Variants in SEC11A observed in about 807,000 individuals in gnomAD.
SEC11A encodes the protein signal peptidase complex catalytic subunit SEC11A.
SEC11A carries 14 observed loss-of-function variants against 25.6 expected under a neutral mutation model. The observed-to-expected ratio is 0.55, with a 90% confidence interval of 0.36 to 0.85. The LOEUF is 0.85. SEC11A is among the 40% of genes least tolerant of loss of function. The probability of loss-of-function intolerance (pLI) is 0.01; values close to 1 mark genes in which losing one functional copy is unlikely to be tolerated. For synonymous variants in SEC11A, 83 were observed against 76.4 expected, an observed-to-expected ratio of 1.09 and a Z score of -0.45; for missense variants, 153 against 222.9, an observed-to-expected ratio of 0.69 and a Z score of 2.00.
chr15:84,704,393 G>T lies in SEC11A; in HGVS notation c.51+11632C>A, dbSNP rs894695127. Among the ~76,000 whole-genome samples, 6 of 152,120 alleles carry T rather than the reference G, an allele frequency of 3.9e-5. 1 individual carries two copies. Among genetic ancestry groups the T allele is most frequent in the Admixed American group, 3.9e-4 (6 of 15,258 alleles). On this transcript the variant is annotated intron_variant, in intron 1 of 5. Coordinates refer to ENST00000268220, the MANE Select transcript of SEC11A (RefSeq NM_014300.4). ...TTGAAGTAGCTGGCCTGAAATAATA[G>T]AATAGTAGGCCAGTTTTCGATTTAT... is the stretch of plus-strand genomic sequence containing the variant.
chr15:84,700,330 T>G (rs1897891735), intron 1 of SEC11A, among the ~76,000 whole-genome samples: 1 of 151,736 alleles, frequency 6.6e-6, no homozygotes, highest in Non-Finnish European at 1.5e-5. Context: ...GCGAGGTGGC[T>G]TATGCCTGTA....
chr15:84,691,686 C>T (rs779466941), intron 1 of SEC11A, 42 bp from the exon 2 acceptor site: 10 of 1,175,528 alleles, frequency 8.5e-6, no homozygotes, highest in Non-Finnish European at 1.3e-5. Context: ...ACCATTATCC[C>T]CACTTCGGAA....
At chr15:84,674,824 T>C (rs1897095025) in intron 4 of SEC11A, among the ~76,000 whole-genome samples, 2 of 152,182 alleles carry the variant, frequency 1.3e-5, no homozygotes, top group Admixed American at 1.3e-4. Context: ...CCTCTTAAAG[T>C]GCTGAGATTA....
At chr15:84,690,836 T>A (rs1389733359) in intron 2 of SEC11A, among the ~76,000 whole-genome samples, 3 of 152,140 alleles carry the variant, frequency 2.0e-5, no homozygotes, top group African/African-American at 7.2e-5. Flanking sequence ...GAAAAACTCT[T>A]AATTTGTGGA....
chr15:84,699,675 A>C (rs1232041018), intron 1 of SEC11A, among the ~76,000 whole-genome samples: 1 of 152,152 alleles, frequency 6.6e-6, no homozygotes, highest in African/African-American at 2.4e-5. Context: ...CTGTAATCCC[A>C]GCTCTTAGGG....
At chr15:84,678,349 C>T (rs200584436) in intron 4 of SEC11A, among the ~76,000 whole-genome samples, 230 of 152,238 alleles carry the variant, frequency 1.5e-3, no homozygotes, top group Admixed American at 5.2e-3. Flanking sequence ...TATGCTTCAC[C>T]CAGTAATTCC....
intron 1 of SEC11A, chr15:84,714,969 C>T (rs1898411530): frequency 6.6e-6 from 1 of 152,118 alleles, no homozygotes; most frequent in South Asian, 2.1e-4. Context: ...AAAGACAACA[C>T]TATACAAGTA....
chr15:84,679,212 G>A (rs1256765816), intron 4 of SEC11A: 12 of 1,125,184 alleles, frequency 1.1e-5, no homozygotes, highest in Non-Finnish European at 1.4e-5. Flanking sequence ...AGATTGGAGA[G>A]TTTAAATAAT....
At chr15:84,700,707 G>C (rs1477466631) in intron 1 of SEC11A, among the ~76,000 whole-genome samples, 2 of 147,416 alleles carry the variant, frequency 1.4e-5, no homozygotes, top group Non-Finnish European at 3.0e-5. Flanking sequence ...GAGGCCAGGC[G>C]CGGTGGCTCA....
rs200350997 is a variant in SEC11A at position 84,716,070 on chromosome 15, C to A, written c.6G>T (p.Leu2=). Residue 2 remains leucine, a synonymous_variant, in exon 1 of 6, where the codon CTG becomes CTT. Coordinates refer to ENST00000268220, the MANE Select transcript of SEC11A (RefSeq NM_014300.4). Reference sequence around the variant, plus strand: ...GCACATCGTCCAAAAAGTCTAGAGACAGCATGGCGGGGACGGCGAGCAGGA... The same window carrying A: ...GCACATCGTCCAAAAAGTCTAGAGAAAGCATGGCGGGGACGGCGAGCAGGA... M[L]SLDFLDDVRR... is the part of the protein sequence containing the mutation. The A allele has an allele frequency of 6.2e-7, 1 of 1,613,812 alleles. No individual in the cohort carries two copies. Among genetic ancestry groups the A allele is most frequent in the African/African-American group, 1.3e-5 (1 of 75,056 alleles).
At chr15:84,696,718 CA>C (rs1211445179) in intron 1 of SEC11A, among the ~76,000 whole-genome samples, 1 of 151,832 alleles carries the variant, frequency 6.6e-6, no homozygotes, top group Non-Finnish European at 1.5e-5. Context: ...ATTTTGGCAG[CA>C]AAACAAAAAT....
chr15:84,669,918 A>T lies in SEC11A; in HGVS notation c.*101T>A, dbSNP rs765907114. The stretch of plus-strand genomic sequence containing the variant: ...AAACCAGTGCTACCCAGAAGCACCA[A>T]CACGTGTGTTCTCCATTCCACCAAT... On this transcript the variant is annotated 3_prime_UTR_variant, in exon 6 of 6. Coordinates refer to ENST00000268220, the MANE Select transcript of SEC11A (RefSeq NM_014300.4). 1.3e-6 allele frequency: 2 copies of T among 1,591,246 alleles called. No individual in the cohort carries two copies. The highest frequency in any genetic ancestry group is 4.5e-5 in the East Asian group (2 of 44,186).
chr15:84,710,013 C>A lies in SEC11A; in HGVS notation c.51+6012G>T, dbSNP rs562263251. Among the ~76,000 whole-genome samples, 4 of 152,238 alleles carry A rather than the reference C, an allele frequency of 2.6e-5. No individual in the cohort carries two copies. In the South Asian group the frequency reaches 8.3e-4, roughly 32 times the overall value. On this transcript the variant is annotated intron_variant, in intron 1 of 5. Transcript: ENST00000268220. ...CCATCTCGGCCTCCACCATTACAGG[C>A]GTGAGCCACTGCACCCAGCTATATT...
chr15:84,692,018 CTTTT>C (rs1445636749), intron 1 of SEC11A: 1 of 97,504 alleles, frequency 1.0e-5, no homozygotes, highest in Non-Finnish European at 2.0e-5. Context: ...ATTACTTTTT[CTTTT>C]TCTTTTTTTT....
chr15:84,681,445 C>A (rs1897280621), intron 3 of SEC11A, among the ~76,000 whole-genome samples: 1 of 152,112 alleles, frequency 6.6e-6, no homozygotes, highest in South Asian at 2.1e-4. Flanking sequence ...GCCTGGCCAA[C>A]ATGGCGAAAC....
At chr15:84,678,769 G>C (rs979309767) in intron 4 of SEC11A, among the ~76,000 whole-genome samples, 1 of 152,048 alleles carries the variant, frequency 6.6e-6, no homozygotes, top group Non-Finnish European at 1.5e-5. Context: ...AAGACAGGTG[G>C]ATCATTTGAA....
At chr15:84,683,421 A>AAACAAACT (rs1446789078) in intron 3 of SEC11A, among the ~76,000 whole-genome samples, 19 of 139,730 alleles carry the variant, frequency 1.4e-4, no homozygotes, top group African/African-American at 4.2e-4. Flanking sequence ...ACAAACAAAC[A>AAACAAACT]AACTAACTAA....
chr15:84,699,332 A>AG (rs1471779743), intron 1 of SEC11A, among the ~76,000 whole-genome samples: 5 of 151,872 alleles, frequency 3.3e-5, no homozygotes, highest in African/African-American at 1.2e-4. Flanking sequence ...AAAAAAAAAA[A>AG]AAACCAGGAA....
intron 1 of SEC11A, among the ~76,000 whole-genome samples, chr15:84,705,072 G>C (rs1355379498): frequency 6.6e-6 from 1 of 152,002 alleles, no homozygotes; most frequent in African/African-American, 2.4e-5. Flanking sequence ...CTACAGGTGA[G>C]TACCACCACG....
Sources: allele counts gnomAD v4.1 joint callset (sites outside exome capture counted in the v4.1 genomes callset), GRCh38; gene constraint gnomAD v4.1.1; transcripts MANE v1.5; gene names NCBI Gene and HGNC (gene_info 2026-07-23, HGNC 2026-07-21).